Variants in FHOD3 observed in about 807,000 individuals in gnomAD.
The protein encoded by FHOD3 is formin homology 2 domain containing 3, also known as FH1/FH2 domain-containing protein 3.
FHOD3 carries 90 observed loss-of-function variants against 173.0 expected under a neutral mutation model. The observed-to-expected ratio is 0.52, with a 90% CI of 0.44 to 0.62. FHOD3 has a LOEUF of 0.62. FHOD3 is among the 20% of genes least tolerant of loss of function. The probability of loss-of-function intolerance (pLI) is 0.00; values close to 1 mark genes in which losing one functional copy is unlikely to be tolerated. For synonymous variants in FHOD3, 828 were observed against 823.0 expected (o/e 1.01, Z -0.10); for missense variants, 1,945 against 2,034.7 (o/e 0.96, Z 0.85).
chr18:36,554,834 A>G (rs528446510), intron 5 of FHOD3, among the ~76,000 whole-genome samples: 1 of 152,228 alleles, frequency 6.6e-6, no homozygotes, highest in Non-Finnish European at 1.5e-5. Context: ...AAGGAATTTA[A>G]GCATTTCATC....
intron 3 of FHOD3, among the ~76,000 whole-genome samples, chr18:36,471,153 G>A (rs1485173262): frequency 6.6e-6 from 1 of 152,204 alleles, no homozygotes; most frequent in Non-Finnish European, 1.5e-5. Context: ...TTGGGAAGAT[G>A]AGGATGCTCC....
intron 3 of FHOD3, among the ~76,000 whole-genome samples, chr18:36,405,851 TC>T (rs1184680578): frequency 6.6e-6 from 1 of 152,206 alleles, no homozygotes; most frequent in African/African-American, 2.4e-5. Context: ...TTCCTTTTTT[TC>T]CCCCTTTGTC....
chr18:36,546,965 C>G (rs1464917032), intron 5 of FHOD3, among the ~76,000 whole-genome samples: 1 of 152,158 alleles, frequency 6.6e-6, no homozygotes, highest in Non-Finnish European at 1.5e-5. Flanking sequence ...TCAATGTGCC[C>G]ATGACATTTG....
intron 8 of FHOD3, among the ~76,000 whole-genome samples, chr18:36,609,015 G>A (rs1176500783): frequency 2.0e-5 from 3 of 152,236 alleles, no homozygotes; most frequent in Non-Finnish European, 4.4e-5. Flanking sequence ...AAGACTTGGT[G>A]CAATCAATGA....
intron 7 of FHOD3, 107 bp downstream of exon 7, chr18:36,595,005 G>A (rs777655798): frequency 7.2e-6 from 5 of 691,022 alleles, no homozygotes; most frequent in Non-Finnish European, 1.2e-5. Flanking sequence ...TAGAATTCCC[G>A]AGATGTGGAC....
chr18:36,658,644 A>T (rs537510032), intron 14 of FHOD3, among the ~76,000 whole-genome samples: 1 of 152,240 alleles, frequency 6.6e-6, no homozygotes. Context: ...GTATGGGTAC[A>T]TGGAAGGAAT....
intron 1 of FHOD3, among the ~76,000 whole-genome samples, chr18:36,307,986 T>C (rs1218408041): frequency 6.6e-6 from 1 of 152,232 alleles, no homozygotes; most frequent in African/African-American, 2.4e-5. Context: ...TCATCTTTAA[T>C]GACAGTTAGG....
At position 36,430,126 on chromosome 18, in the gene FHOD3, A is replaced by C. The variant is rs1178746857; in HGVS notation, c.337+57382A>C. 5.9e-5 allele frequency among the ~76,000 whole-genome samples: 9 copies of C among 152,300 alleles called. No individual in the cohort carries two copies. The East Asian group carries it at 1.7e-3, about 29-fold the overall frequency. The stretch of plus-strand genomic sequence containing the variant: ...TGAAAGAGAACAAAGATATAGGACT[A>C]TGTCAGCCCCTTGGTGTTAATGATC... On this transcript the variant is annotated intron_variant, in intron 3 of 28. Transcript: ENST00000590592.
At chr18:36,570,619 C>T (rs186927375) in intron 5 of FHOD3, among the ~76,000 whole-genome samples, 1 of 151,950 alleles carries the variant, frequency 6.6e-6, no homozygotes, top group Admixed American at 6.6e-5. Flanking sequence ...AACAAAGATG[C>T]AAAAAATCCT....
At chr18:36,576,077 C>G (rs1355941638) in intron 5 of FHOD3, among the ~76,000 whole-genome samples, 1 of 152,216 alleles carries the variant, frequency 6.6e-6, no homozygotes, top group East Asian at 1.9e-4. Flanking sequence ...CTTCGTTTGT[C>G]CTTGTGGCCC....
intron 2 of FHOD3, among the ~76,000 whole-genome samples, chr18:36,365,259 A>G (rs2145937426): frequency 6.6e-6 from 1 of 152,362 alleles, no homozygotes; most frequent in South Asian, 2.1e-4. Flanking sequence ...AGAGAAAAAA[A>G]TAGTTTGGAC....
At chr18:36,626,386 G>GA (rs528168366) in intron 10 of FHOD3, among the ~76,000 whole-genome samples, 274 of 152,128 alleles carry the variant, frequency 1.8e-3, no homozygotes, top group African/African-American at 6.2e-3. Flanking sequence ...ATGGTAGATA[G>GA]AAAAAAATGG....
intron 24 of FHOD3, among the ~76,000 whole-genome samples, chr18:36,748,208 A>G (rs137934075): frequency 3.3e-5 from 5 of 152,178 alleles, no homozygotes; most frequent in African/African-American, 7.2e-5. Flanking sequence ...CTGACTATCT[A>G]TCTAGACCTT....
intron 10 of FHOD3, among the ~76,000 whole-genome samples, chr18:36,627,444 G>T (rs77590176): frequency 2.6e-5 from 4 of 152,132 alleles, no homozygotes; most frequent in Non-Finnish European, 5.9e-5. Context: ...ATGATGATAC[G>T]GAAGTGGACC....
chr18:36,615,772 A>G (rs904500175), intron 9 of FHOD3, among the ~76,000 whole-genome samples: 1 of 152,236 alleles, frequency 6.6e-6, no homozygotes, highest in Non-Finnish European at 1.5e-5. Context: ...GATATTTTCC[A>G]TTTCCTTATG....
At chr18:36,474,769 G>A (rs1385807465) in intron 3 of FHOD3, among the ~76,000 whole-genome samples, 1 of 152,092 alleles carries the variant, frequency 6.6e-6, no homozygotes, top group Non-Finnish European at 1.5e-5. Flanking sequence ...CCTGGGGCAG[G>A]AGCGGTTCAC....
intron 13 of FHOD3, among the ~76,000 whole-genome samples, chr18:36,655,342 G>A (rs2036346444): frequency 6.6e-6 from 1 of 152,044 alleles, no homozygotes; most frequent in Non-Finnish European, 1.5e-5. Context: ...GGTCTTTCTG[G>A]TGATGGTCTC....
intron 10 of FHOD3, among the ~76,000 whole-genome samples, chr18:36,629,158 T>G (rs1280805270): frequency 6.6e-6 from 1 of 152,170 alleles, no homozygotes; most frequent in Non-Finnish European, 1.5e-5. Flanking sequence ...GCCACGTGCC[T>G]CAGCAGCAGG....
chr18:36,459,918 CA>C (rs530647054), intron 3 of FHOD3, among the ~76,000 whole-genome samples: 98 of 152,262 alleles, frequency 6.4e-4, no homozygotes, highest in African/African-American at 2.2e-3. Flanking sequence ...AATGAGTTGT[CA>C]CGCCTCCTTA....
Sources: allele counts gnomAD v4.1 joint callset (sites outside exome capture counted in the v4.1 genomes callset), GRCh38; gene constraint gnomAD v4.1.1; transcripts MANE v1.5; gene names NCBI Gene and HGNC (gene_info 2026-07-23, HGNC 2026-07-21).